The following GLIS3 variants were observed in gnomAD, a reference collection of about 807,000 sequenced individuals.
GLIS3 encodes the protein zinc finger protein GLIS3.
Under a neutral mutation model 78.6 loss-of-function variants are expected in GLIS3, and 53 were observed. The observed-to-expected ratio is 0.67, with a 90% CI of 0.54 to 0.85. The LOEUF (loss-of-function observed/expected upper bound fraction) is 0.85. Among genes scored for constraint, GLIS3 ranks in the 40% least tolerant of loss-of-function variants. GLIS3 has a pLI of 0.00. For missense variants in GLIS3, 1,703 were observed against 1,231.1 expected (o/e 1.38, Z -5.74); for synonymous variants, 684 against 509.9 (o/e 1.34, Z -4.60).
the GLIS3 span, among the ~76,000 whole-genome samples, chr9:4,439,626 T>A: frequency 6.6e-6 from 1 of 152,232 alleles, no homozygotes; most frequent in Non-Finnish European, 1.5e-5. Flanking sequence ...TCTCCTTCTA[T>A]GAGATCAGCT....
intron 4 of GLIS3, among the ~76,000 whole-genome samples, chr9:4,086,923 TC>T (rs1273787384): frequency 6.6e-6 from 1 of 152,182 alleles, no homozygotes; most frequent in African/African-American, 2.4e-5. Context: ...AGACATGTCC[TC>T]CACATTGGAC....
chr9:4,084,327 C>G (rs1564025180), intron 4 of GLIS3, among the ~76,000 whole-genome samples: 3 of 150,920 alleles, frequency 2.0e-5, no homozygotes, highest in East Asian at 1.9e-4. Context: ...CTTAGAGGGG[C>G]CTGTGGGATA....
chr9:4,254,398 T>C (rs1824710058), intron 2 of GLIS3, among the ~76,000 whole-genome samples: 1 of 151,752 alleles, frequency 6.6e-6, no homozygotes, highest in African/African-American at 2.4e-5. Flanking sequence ...AATAGAGACA[T>C]ATACTATACT....
At chr9:4,307,462 G>A (rs1817256290) in intron 4 of GLIS3, among the ~76,000 whole-genome samples, 1 of 152,068 alleles carries the variant, frequency 6.6e-6, no homozygotes, top group Non-Finnish European at 1.5e-5. Context: ...TCCACAGGAT[G>A]ACCTTTACTA....
At chr9:4,065,930 A>G (rs755848590) in intron 4 of GLIS3, among the ~76,000 whole-genome samples, 8 of 152,236 alleles carry the variant, frequency 5.3e-5, no homozygotes, top group Admixed American at 6.5e-5. Flanking sequence ...ATAGGAAAAT[A>G]GATTTTTGGC....
At chr9:4,416,812 G>GTTTGTT in the GLIS3 span, among the ~76,000 whole-genome samples, 1 of 95,822 alleles carries the variant, frequency 1.0e-5, no homozygotes, top group Non-Finnish European at 2.0e-5. Context: ...CCCATAGTCA[G>GTTTGTT]TTTTTTTTTT....
At chr9:4,124,043 C>G (rs1039751742) in intron 3 of GLIS3, among the ~76,000 whole-genome samples, 5 of 152,142 alleles carry the variant, frequency 3.3e-5, no homozygotes, top group Non-Finnish European at 7.3e-5. Context: ...AACTTTGCCT[C>G]TTATTGAACT....
chr9:3,936,909 T>C (rs566353735), intron 5 of GLIS3, 119 bp downstream of exon 5: 35 of 1,377,334 alleles, frequency 2.5e-5, no homozygotes, highest in Non-Finnish European at 3.6e-5. Flanking sequence ...CTGCTGCCCT[T>C]GGCATTGTCC....
At chr9:4,315,280 T>C (rs1021053693) in intron 2 of GLIS3, among the ~76,000 whole-genome samples, 1 of 152,168 alleles carries the variant, frequency 6.6e-6, no homozygotes, top group Non-Finnish European at 1.5e-5. Flanking sequence ...CAACATGATG[T>C]TGAGAGGACA....
intron 8 of GLIS3, among the ~76,000 whole-genome samples, chr9:3,859,001 G>C (rs563083530): frequency 6.6e-6 from 1 of 152,266 alleles, no homozygotes; most frequent in East Asian, 1.9e-4. Context: ...CCAGCTCATA[G>C]TAGAGTAGAA....
the GLIS3 span, among the ~76,000 whole-genome samples, chr9:4,403,795 A>T: frequency 1.3e-5 from 2 of 152,142 alleles, no homozygotes; most frequent in Non-Finnish European, 2.9e-5. Context: ...AGAAGACAGG[A>T]AGGAAGGAAA....
intron 2 of GLIS3, among the ~76,000 whole-genome samples, chr9:4,333,265 G>A (rs917536122): frequency 2.3e-4 from 5 of 22,216 alleles, no homozygotes; most frequent in Non-Finnish European, 1.3e-3. Flanking sequence ...AGAAAAATGG[G>A]AAGGGGAAGG....
chr9:4,238,218 G>C (rs1409164438), intron 2 of GLIS3, among the ~76,000 whole-genome samples: 10 of 152,174 alleles, frequency 6.6e-5, no homozygotes, highest in Non-Finnish European at 1.5e-4. Context: ...CCGAAACAAT[G>C]TGGCTAAAAG....
chr9:3,950,878 T>G (rs549524933), intron 4 of GLIS3, among the ~76,000 whole-genome samples: 53 of 152,346 alleles, frequency 3.5e-4, no homozygotes, highest in Non-Finnish European at 7.1e-4. Flanking sequence ...TCCCTCGCTT[T>G]CTTTCTCTTT....
At chr9:4,408,156 G>A in the GLIS3 span, among the ~76,000 whole-genome samples, 516 of 152,202 alleles carry the variant, frequency 3.4e-3, 1 homozygote, top group African/African-American at 0.012. Flanking sequence ...ACCCTCGTAC[G>A]CTGTCAGTGG....
At chr9:4,154,119 G>A (rs938471013) in intron 2 of GLIS3, among the ~76,000 whole-genome samples, 8 of 152,200 alleles carry the variant, frequency 5.3e-5, no homozygotes, top group East Asian at 3.8e-4. Context: ...GCTGGTTTCC[G>A]AGAGGCAGAA....
chr9:3,925,304 C>T (rs1050193604), intron 6 of GLIS3, among the ~76,000 whole-genome samples: 4 of 152,106 alleles, frequency 2.6e-5, no homozygotes, highest in African/African-American at 4.8e-5. Flanking sequence ...TGGCATCTCC[C>T]GGTGTGTCTC....
intron 3 of GLIS3, among the ~76,000 whole-genome samples, chr9:4,119,689 C>T (rs992356988): frequency 2.0e-5 from 3 of 152,186 alleles, no homozygotes; most frequent in South Asian, 4.1e-4. Context: ...AAGAGCAGAT[C>T]GTTCACTTTC....
chr9:4,114,127 C>T (rs940432229), intron 4 of GLIS3, among the ~76,000 whole-genome samples: 1 of 152,138 alleles, frequency 6.6e-6, no homozygotes, highest in African/African-American at 2.4e-5. Flanking sequence ...GCAACAGAAC[C>T]CTGGGTCCCT....
Sources: allele counts gnomAD v4.1 joint callset (sites outside exome capture counted in the v4.1 genomes callset), GRCh38; gene constraint gnomAD v4.1.1; transcripts MANE v1.5; gene names NCBI Gene and HGNC (gene_info 2026-07-23, HGNC 2026-07-21).